The following GUCY1A2 variants were observed in gnomAD, a reference collection of about 807,000 sequenced individuals.
GUCY1A2 encodes guanylate cyclase 1 soluble subunit alpha 2.
In GUCY1A2, 27 loss-of-function variants were observed where a neutral mutation model predicts 63.5. The ratio of observed to expected loss-of-function variants is 0.43; its 90% confidence interval spans 0.31 to 0.59. The LOEUF (loss-of-function observed/expected upper bound fraction) is 0.59. GUCY1A2 is among the 20% of genes least tolerant of loss of function. The pLI is 0.11. For missense variants in GUCY1A2, 768 were observed against 913.3 expected (o/e 0.84, Z 2.05); for synonymous variants, 364 against 343.5 (o/e 1.06, Z -0.66).
intron 7 of GUCY1A2, among the ~76,000 whole-genome samples, chr11:106,701,196 CA>C (rs1324998961): frequency 2.6e-5 from 4 of 152,000 alleles, no homozygotes; most frequent in Admixed American, 2.6e-4. Context: ...CATGCTTATA[CA>C]AAATGTTTTT....
In GUCY1A2 at chr11:106,702,023, CA is replaced by C. The variant is rs1444294898; in HGVS notation, c.1991+6488del. ...TAAGATCTCAGGCTTTAGAGTAGGG[CA>C]GCTACGGGTTTGAATTATGACTCCC... On this transcript the variant is annotated intron_variant, in intron 7 of 7. Coordinates refer to ENST00000526355, the MANE Select transcript of GUCY1A2 (RefSeq NM_000855.3). Among the ~76,000 whole-genome samples, 15 of 152,254 alleles carry C rather than the reference CA, an allele frequency of 9.9e-5. 1 individual carries two copies. The South Asian group carries it at 2.9e-3, about 29-fold the overall frequency.
intron 5 of GUCY1A2, among the ~76,000 whole-genome samples, chr11:106,781,112 C>CAA (rs565279937): frequency 0.11 from 9,781 of 88,394 alleles, 580 homozygotes; most frequent in African/African-American, 0.21. Flanking sequence ...AAACAGACTA[C>CAA]AAAAAAAAAA....
At chr11:106,871,784 T>C (rs1859681598) in intron 4 of GUCY1A2, among the ~76,000 whole-genome samples, 1 of 152,324 alleles carries the variant, frequency 6.6e-6, no homozygotes, top group Admixed American at 6.5e-5. Flanking sequence ...TATTATACTA[T>C]TTGATCTGGG....
At chr11:106,997,227 A>G (rs569906729) in intron 1 of GUCY1A2, among the ~76,000 whole-genome samples, 1 of 152,288 alleles carries the variant, frequency 6.6e-6, no homozygotes, top group Admixed American at 6.5e-5. Context: ...ATATACCCTT[A>G]TGCATGTAAC....
chr11:106,927,633 C>T (rs1016108303), intron 4 of GUCY1A2, among the ~76,000 whole-genome samples: 4 of 151,276 alleles, frequency 2.6e-5, no homozygotes, highest in Non-Finnish European at 4.4e-5. Flanking sequence ...GGTGCCATCT[C>T]GGCTCACTGC....
chr11:106,869,643 T>C (rs1375174205), intron 4 of GUCY1A2, among the ~76,000 whole-genome samples: 1 of 152,084 alleles, frequency 6.6e-6, no homozygotes, highest in African/African-American at 2.4e-5. Context: ...ATAGGAACAT[T>C]TTACACTGTT....
intron 4 of GUCY1A2, among the ~76,000 whole-genome samples, chr11:106,891,668 A>C (rs1859976636): frequency 6.6e-6 from 1 of 152,076 alleles, no homozygotes; most frequent in Non-Finnish European, 1.5e-5. Context: ...TTTAATGTAA[A>C]GGTCTTCTAT....
At chr11:106,723,071 G>C (rs986573001) in intron 6 of GUCY1A2, among the ~76,000 whole-genome samples, 13 of 152,126 alleles carry the variant, frequency 8.5e-5, no homozygotes, top group African/African-American at 2.9e-4. Context: ...AAAGTCAACT[G>C]CATATCTTAA....
chr11:106,880,904 A>T (rs1859814222), intron 4 of GUCY1A2, among the ~76,000 whole-genome samples: 1 of 152,164 alleles, frequency 6.6e-6, no homozygotes, highest in Non-Finnish European at 1.5e-5. Flanking sequence ...GGGAAATACC[A>T]ATACAGTAGA....
At position 106,719,257 on chromosome 11, in the gene GUCY1A2, T is replaced by A. The variant is rs1156337591; in HGVS notation, c.1837-10591A>T. ...TCAGTTAATAAGGAAAATCATTTTCTGTCAAAATGCAGCTCTTAACAGATA... is the reference window on the plus strand; with the variant it reads ...TCAGTTAATAAGGAAAATCATTTTCAGTCAAAATGCAGCTCTTAACAGATA... On this transcript the variant is annotated intron_variant, in intron 6 of 7. Coordinates refer to ENST00000526355, the MANE Select transcript of GUCY1A2 (RefSeq NM_000855.3). Among the ~76,000 whole-genome samples, 3 of 152,154 alleles carry A rather than the reference T, an allele frequency of 2.0e-5. No individual in the cohort carries two copies. The East Asian group carries it at 5.8e-4, about 29-fold the overall frequency.
intron 2 of GUCY1A2, among the ~76,000 whole-genome samples, chr11:106,985,699 CA>C (rs1861392482): frequency 1.3e-5 from 2 of 152,132 alleles, no homozygotes; most frequent in African/African-American, 4.8e-5. Flanking sequence ...TGATTCTTAT[CA>C]AACTCTACTT....
Position 106,677,637 on chromosome 11 carries a change from T to C in GUCY1A2, c.*9912A>G. 4.8e-6 allele frequency: 1 copy of C among 207,160 alleles called. No homozygotes were observed. Among genetic ancestry groups the C allele is most frequent in the Non-Finnish European group, 9.9e-6 (1 of 101,356 alleles). 12.8% of individuals were successfully genotyped at this position (207,160 alleles called of 1,614,324 possible). A position where few individuals can be genotyped will look rare whatever the true frequency, so the allele number is the denominator to read the frequency against. ...TGCTGAATTTCATGGCATTCTGTCA[T>C]TTTTATGACATTCTGTTAAATATAA... On this transcript the variant is annotated 3_prime_UTR_variant, in exon 8 of 8. Coordinates refer to ENST00000526355, the MANE Select transcript of GUCY1A2 (RefSeq NM_000855.3).
chr11:106,816,844 A>T (rs1047289525), intron 4 of GUCY1A2, among the ~76,000 whole-genome samples: 6 of 151,974 alleles, frequency 3.9e-5, no homozygotes, highest in Non-Finnish European at 7.4e-5. Context: ...AAAATTTGAC[A>T]GTTTAAATGA....
At chr11:106,865,482 G>A (rs1252050683) in intron 4 of GUCY1A2, among the ~76,000 whole-genome samples, 1 of 152,036 alleles carries the variant, frequency 6.6e-6, no homozygotes, top group Non-Finnish European at 1.5e-5. Flanking sequence ...AAAAAAGGAT[G>A]AGTTCATGTC....
In GUCY1A2 at chr11:106,686,587, TGAATGCTGTTTATTA is replaced by T. The variant is rs1235417262; in HGVS notation, c.*947_*961del. On this transcript the variant is annotated 3_prime_UTR_variant, in exon 8 of 8. Transcript: ENST00000526355. ...GGGGGTAACTAACATGTCATTTAGCTGAATGCTGTTTATTAGAATGCAGTTTAGTGTTGCAAAAGC... is the reference window on the plus strand; with the variant it reads ...GGGGGTAACTAACATGTCATTTAGCTGAATGCAGTTTAGTGTTGCAAAAGC... 4.6e-6 allele frequency: 1 copy of T among 218,066 alleles called. No homozygotes were observed. Among genetic ancestry groups the T allele is most frequent in the African/African-American group, 2.2e-5 (1 of 44,532 alleles). 13.5% of individuals were successfully genotyped at this position (218,066 alleles called of 1,614,324 possible). A position where few individuals can be genotyped will look rare whatever the true frequency, so the allele number is the denominator to read the frequency against.
intron 4 of GUCY1A2, among the ~76,000 whole-genome samples, chr11:106,857,684 C>A (rs1859455985): frequency 6.6e-6 from 1 of 152,174 alleles, no homozygotes; most frequent in African/African-American, 2.4e-5. Flanking sequence ...TGAATTTAAA[C>A]CACTTGAAAA....
At chr11:106,853,141 A>G (rs1859378535) in intron 4 of GUCY1A2, among the ~76,000 whole-genome samples, 1 of 152,184 alleles carries the variant, frequency 6.6e-6, no homozygotes, top group Non-Finnish European at 1.5e-5. Flanking sequence ...AAATATGTTT[A>G]GGAATCTTTC....
At chr11:106,841,828 G>T (rs1859202370) in intron 4 of GUCY1A2, among the ~76,000 whole-genome samples, 1 of 151,800 alleles carries the variant, frequency 6.6e-6, no homozygotes, top group African/African-American at 2.4e-5. Flanking sequence ...AACAAAACAA[G>T]CACAAATGAA....
chr11:106,686,390 TA>T lies in GUCY1A2; in HGVS notation c.*1158del. On this transcript the variant is annotated 3_prime_UTR_variant, in exon 8 of 8. Coordinates refer to ENST00000526355, the MANE Select transcript of GUCY1A2 (RefSeq NM_000855.3). ...ATCAATCAAACTGCAGAACATTTTT[TA>T]AAACCTCAAAGCCATAAAATACAGA... 4.5e-6 allele frequency: 1 copy of T among 219,864 alleles called. No individual in the cohort carries two copies. The highest frequency in any genetic ancestry group is 9.1e-6 in the Non-Finnish European group (1 of 109,520). 13.6% of individuals were successfully genotyped at this position (219,864 alleles called of 1,614,324 possible). A position where few individuals can be genotyped will look rare whatever the true frequency, so the allele number is the denominator to read the frequency against.
Sources: gnomAD v4.1 joint callset for allele counts (sites outside exome capture counted in the v4.1 genomes callset) on GRCh38, gnomAD v4.1.1 for gene constraint, MANE v1.5 for transcripts, NCBI Gene and HGNC (gene_info 2026-07-23, HGNC 2026-07-21) for gene names.